Variants in SAMSN1 observed in about 807,000 individuals in gnomAD.
SAMSN1 encodes the protein SAM domain-containing protein SAMSN-1.
SAMSN1 carries 31 observed loss-of-function variants against 42.0 expected under a neutral mutation model. The ratio of observed to expected loss-of-function variants is 0.74; its 90% CI spans 0.55 to 1.00. SAMSN1 has a LOEUF of 1.00. SAMSN1 is among the 50% of genes least tolerant of loss of function. SAMSN1 has a pLI of 0.00. For synonymous variants in SAMSN1, 178 were observed against 151.9 expected, an observed-to-expected ratio of 1.17 and a Z score of -1.26; for missense variants, 464 against 439.4, an observed-to-expected ratio of 1.06 and a Z score of -0.50.
intron 2 of SAMSN1, among the ~76,000 whole-genome samples, chr21:14,624,010 C>T (rs1335754644): frequency 6.6e-6 from 1 of 152,178 alleles, no homozygotes; most frequent in African/African-American, 2.4e-5. Context: ...ACTGAACAAC[C>T]TGCTCTTGAA....
intron 2 of SAMSN1, among the ~76,000 whole-genome samples, chr21:14,640,291 C>T (rs1386249617): frequency 6.6e-6 from 1 of 152,048 alleles, no homozygotes; most frequent in Non-Finnish European, 1.5e-5. Flanking sequence ...CTATAGTTTC[C>T]TCCGTAACAA....
intron 2 of SAMSN1, among the ~76,000 whole-genome samples, chr21:14,570,681 A>C (rs563824401): frequency 1.1e-4 from 17 of 152,282 alleles, no homozygotes; most frequent in African/African-American, 3.6e-4. Context: ...AGAGCTTTTC[A>C]TTAATCTCTG....
At chr21:14,594,646 C>T (rs544536525) in intron 6 of SAMSN1, 4 of 152,270 alleles carry the variant, frequency 2.6e-5, no homozygotes, top group South Asian at 2.1e-4. Flanking sequence ...TCAGCTTCTA[C>T]TCCTTTTGAA....
intron 1 of SAMSN1, among the ~76,000 whole-genome samples, chr21:14,645,162 T>G (rs1983689191): frequency 6.6e-6 from 1 of 152,052 alleles, no homozygotes; most frequent in Non-Finnish European, 1.5e-5. Flanking sequence ...GCGCTTTGAG[T>G]GAACACAGGC....
intron 2 of SAMSN1, among the ~76,000 whole-genome samples, chr21:14,636,813 A>T (rs1983479715): frequency 6.6e-6 from 1 of 152,100 alleles, no homozygotes; most frequent in South Asian, 2.1e-4. Flanking sequence ...GCAGTGAGCC[A>T]AGATCCTGCC....
upstream of SAMSN1, among the ~76,000 whole-genome samples, chr21:14,584,788 T>C (rs1981867301): frequency 6.6e-6 from 1 of 152,244 alleles, no homozygotes; most frequent in African/African-American, 2.4e-5. Flanking sequence ...AATATTTGCT[T>C]CCTCATTAAT....
chr21:14,581,972 TAAA>T (rs1981746169), intron 2 of SAMSN1, among the ~76,000 whole-genome samples: 1 of 152,214 alleles, frequency 6.6e-6, no homozygotes, highest in African/African-American at 2.4e-5. Flanking sequence ...TTAATATGGG[TAAA>T]AGTCACAAGA....
chr21:14,615,458 C>A (rs1982811537), intron 3 of SAMSN1, among the ~76,000 whole-genome samples: 1 of 152,130 alleles, frequency 6.6e-6, no homozygotes, highest in Non-Finnish European at 1.5e-5. Context: ...CCTCGGCAAC[C>A]AATCTGAAAA....
At chr21:14,647,770 T>G (rs1166285651) in intron 1 of SAMSN1, among the ~76,000 whole-genome samples, 1 of 135,290 alleles carries the variant, frequency 7.4e-6, no homozygotes, top group Non-Finnish European at 1.6e-5. Context: ...AGTTCACTCA[T>G]GATTTGGCTC....
intron 2 of SAMSN1, among the ~76,000 whole-genome samples, chr21:14,568,510 C>G (rs933088300): frequency 6.6e-6 from 1 of 152,156 alleles, no homozygotes; most frequent in East Asian, 1.9e-4. Flanking sequence ...GGTCTTCCCC[C>G]CAGTGATGGC....
rs565004932 is a variant in SAMSN1 at position 14,541,024 on chromosome 21, T to C, written c.57+5181A>G. On this transcript the variant is annotated intron_variant, in intron 1 of 7. Transcript: ENST00000400566. ...GAAACCATCATTCTGAGCAAACTAT[T>C]GCAAGGACGGAAAACCAAACACCGC... Among the ~76,000 whole-genome samples the C allele has an allele frequency of 1.3e-3, 201 of 151,134 alleles. 2 individuals carry two copies. Among genetic ancestry groups the C allele is most frequent in the African/African-American group, 4.7e-3 (194 of 41,118 alleles).
At chr21:14,651,402 A>C (rs1983834458) in intron 1 of SAMSN1, among the ~76,000 whole-genome samples, 1 of 152,066 alleles carries the variant, frequency 6.6e-6, no homozygotes, top group Admixed American at 6.6e-5. Flanking sequence ...TCAGTATGAT[A>C]CATCATATCC....
intron 2 of SAMSN1, among the ~76,000 whole-genome samples, chr21:14,579,975 C>T (rs112629855): frequency 1.1e-3 from 171 of 152,182 alleles, no homozygotes; most frequent in African/African-American, 3.8e-3. Context: ...TTGTGAATAG[C>T]AAATAGTAGG....
rs186417858 is a variant in SAMSN1, at chr21:14,623,215, C to A, written c.157-7199G>T. Among the ~76,000 whole-genome samples, 635 of 152,220 alleles carry A rather than the reference C, an allele frequency of 4.2e-3. 4 individuals are homozygous for A. The highest frequency in any genetic ancestry group is 0.013 in the African/African-American group (559 of 41,532). On this transcript the variant is annotated intron_variant, in intron 2 of 15. Transcript: ENST00000647101. ...GCTAGGAAGAAACTGCATCAACTAA[C>A]GAGAAAAATAAACAGCTAACATCAT...
At chr21:14,496,196 T>C (rs1045486560) in intron 7 of SAMSN1, 1 of 152,208 alleles carries the variant, frequency 6.6e-6, no homozygotes, top group Non-Finnish European at 1.5e-5. Context: ...TCAAAGCCCT[T>C]GAGAAAATTG....
At chr21:14,641,744 T>TTTA (rs1215597331) in intron 2 of SAMSN1, among the ~76,000 whole-genome samples, 1 of 152,124 alleles carries the variant, frequency 6.6e-6, no homozygotes, top group African/African-American at 2.4e-5. Flanking sequence ...CATAGGCTGG[T>TTTA]TTATATTGTC....
chr21:14,602,096 A>G, exon 6 of SAMSN1: 1 of 667,076 alleles, frequency 1.5e-6, no homozygotes, highest in Non-Finnish European at 2.8e-6. Context: ...ATCTTCATTT[A>G]GATCTAAGAA....
chr21:14,631,861 T>C (rs557026170), intron 2 of SAMSN1, among the ~76,000 whole-genome samples: 1 of 152,236 alleles, frequency 6.6e-6, no homozygotes, highest in East Asian at 1.9e-4. Flanking sequence ...CTTGCTGAAG[T>C]GGACATCTGT....
intron 6 of SAMSN1, chr21:14,601,939 A>G (rs556217259): frequency 1.2e-5 from 6 of 509,380 alleles, no homozygotes; most frequent in Middle Eastern, 5.9e-4. Context: ...CTGTGTAAGT[A>G]TTGTACACTA....
Sources: gnomAD v4.1 joint callset for allele counts (sites outside exome capture counted in the v4.1 genomes callset) on GRCh38, gnomAD v4.1.1 for gene constraint, MANE v1.5 for transcripts, NCBI Gene and HGNC (gene_info 2026-07-23, HGNC 2026-07-21) for gene names.